Variants in LRRTM4 observed in about 807,000 individuals in gnomAD.
LRRTM4 encodes the protein leucine-rich repeat transmembrane neuronal protein 4.
In LRRTM4, 25 loss-of-function variants were observed where a neutral mutation model predicts 47.6. The observed-to-expected ratio is 0.53, with a 90% CI of 0.38 to 0.73. The LOEUF is 0.73. LRRTM4 is among the 30% of genes least tolerant of loss of function. The probability of loss-of-function intolerance (pLI) is 0.00; values close to 1 mark genes in which losing one functional copy is unlikely to be tolerated. For synonymous variants in LRRTM4, 311 were observed against 269.5 expected (o/e 1.15, Z -1.51); for missense variants, 638 against 713.4 (o/e 0.89, Z 1.20).
intron 3 of LRRTM4, among the ~76,000 whole-genome samples, chr2:77,050,601 A>G (rs575525407): frequency 6.6e-6 from 1 of 152,294 alleles, no homozygotes; most frequent in South Asian, 2.1e-4. Context: ...AGCATTTTAC[A>G]GAAGTTATTG....
chr2:77,388,710 T>G (rs1386713285), intron 3 of LRRTM4, among the ~76,000 whole-genome samples: 1 of 152,088 alleles, frequency 6.6e-6, no homozygotes, highest in Non-Finnish European at 1.5e-5. Context: ...TTTCTGTAAG[T>G]CTTGACCATC....
intron 3 of LRRTM4, among the ~76,000 whole-genome samples, chr2:77,112,945 C>T (rs1446182303): frequency 6.6e-6 from 1 of 152,152 alleles, no homozygotes; most frequent in Non-Finnish European, 1.5e-5. Flanking sequence ...ATTTCTTGAG[C>T]ATGCTCATCC....
intron 3 of LRRTM4, among the ~76,000 whole-genome samples, chr2:76,836,838 G>T (rs1022397669): frequency 1.3e-5 from 2 of 152,066 alleles, no homozygotes; most frequent in African/African-American, 4.8e-5. Flanking sequence ...TGGGGCTAGG[G>T]CATATGTATG....
chr2:76,807,411 T>TATACATATACACACAC (rs1484732120), intron 3 of LRRTM4, among the ~76,000 whole-genome samples: 2 of 86,046 alleles, frequency 2.3e-5, no homozygotes, highest in Admixed American at 1.3e-4. Flanking sequence ...TATATACGTA[T>TATACATATACACACAC]ATATATATAT....
chr2:77,126,258 A>C (rs1275140820), intron 3 of LRRTM4, among the ~76,000 whole-genome samples: 2 of 152,156 alleles, frequency 1.3e-5, no homozygotes, highest in Non-Finnish European at 2.9e-5. Flanking sequence ...CATTATAAAT[A>C]ATATTCTAAG....
At chr2:76,885,281 A>G (rs1673037604) in intron 3 of LRRTM4, among the ~76,000 whole-genome samples, 1 of 151,980 alleles carries the variant, frequency 6.6e-6, no homozygotes, top group African/African-American at 2.4e-5. Context: ...TTTTTAGAGT[A>G]CCTTCTTTTT....
intron 3 of LRRTM4, among the ~76,000 whole-genome samples, chr2:76,945,765 GTGTGTGTGTA>G (rs1675302803): frequency 6.6e-6 from 1 of 151,760 alleles, no homozygotes; most frequent in South Asian, 2.1e-4. Flanking sequence ...GTGTGTGTGT[GTGTGTGTGTA>G]TGTGTATGTA....
At chr2:76,964,496 T>C (rs1325154421) in intron 3 of LRRTM4, among the ~76,000 whole-genome samples, 1 of 150,942 alleles carries the variant, frequency 6.6e-6, no homozygotes, top group East Asian at 2.0e-4. Context: ...TACCAATTGT[T>C]TTTTTCCTGT....
intron 3 of LRRTM4, among the ~76,000 whole-genome samples, chr2:77,463,675 T>C (rs901234597): frequency 6.6e-6 from 1 of 152,106 alleles, no homozygotes; most frequent in African/African-American, 2.4e-5. Context: ...TTCACAGACC[T>C]TGTTACATTC....
chr2:77,278,255 A>C (rs1288007115), intron 3 of LRRTM4, among the ~76,000 whole-genome samples: 7 of 151,994 alleles, frequency 4.6e-5, no homozygotes, highest in Non-Finnish European at 8.8e-5. Context: ...TATTTTTAAC[A>C]GTTCTTATAA....
At position 76,906,145 on chromosome 2, in the gene LRRTM4, C is replaced by T. The variant is rs533550406; in HGVS notation, c.1552-157229G>A. On this transcript the variant is annotated intron_variant, in intron 3 of 3. Transcript: ENST00000409884. ...GAAGCCCATCAGACTAACAGCTGATCTCTCAGCAGAAACTCTACAAGTCAG... is the reference window on the plus strand; with the variant it reads ...GAAGCCCATCAGACTAACAGCTGATTTCTCAGCAGAAACTCTACAAGTCAG... Among the ~76,000 whole-genome samples, 75 of 152,350 alleles carry T rather than the reference C, an allele frequency of 4.9e-4. No individual in the cohort carries two copies. The South Asian group carries it at 0.016, about 32-fold the overall frequency.
chr2:76,922,258 T>G (rs545302917), intron 3 of LRRTM4, among the ~76,000 whole-genome samples: 1 of 152,210 alleles, frequency 6.6e-6, no homozygotes, highest in South Asian at 2.1e-4. Context: ...TATAACTGAC[T>G]CACAGTTCTT....
At chr2:76,968,221 T>C (rs922319142) in intron 3 of LRRTM4, among the ~76,000 whole-genome samples, 5 of 150,104 alleles carry the variant, frequency 3.3e-5, no homozygotes, top group Non-Finnish European at 4.5e-5. Flanking sequence ...GATAATCAAA[T>C]TAGTGTAAAT....
At chr2:77,459,567 G>T (rs1407295888) in intron 3 of LRRTM4, among the ~76,000 whole-genome samples, 1 of 151,582 alleles carries the variant, frequency 6.6e-6, no homozygotes, top group Non-Finnish European at 1.5e-5. Flanking sequence ...ATAAAATATT[G>T]GTCCCTTACA....
chr2:77,382,673 T>C (rs1042169274), intron 3 of LRRTM4, among the ~76,000 whole-genome samples: 3 of 152,084 alleles, frequency 2.0e-5, no homozygotes, highest in African/African-American at 7.2e-5. Flanking sequence ...TAAAATGACC[T>C]TTTACCTAAA....
intron 3 of LRRTM4, among the ~76,000 whole-genome samples, chr2:77,191,456 A>G (rs187426079): frequency 7.9e-4 from 120 of 152,090 alleles, no homozygotes; most frequent in African/African-American, 2.5e-3. Context: ...AAATATATAT[A>G]AGGTAGAAGG....
chr2:77,083,806 T>TG (rs1680614223), intron 3 of LRRTM4, among the ~76,000 whole-genome samples: 8 of 111,970 alleles, frequency 7.1e-5, no homozygotes, highest in African/African-American at 2.7e-4. Context: ...TTTTTTTTTT[T>TG]TTTTTTTTTT....
intron 3 of LRRTM4, among the ~76,000 whole-genome samples, chr2:76,840,221 AT>A (rs1375307235): frequency 6.6e-6 from 1 of 152,132 alleles, no homozygotes; most frequent in Non-Finnish European, 1.5e-5. Context: ...ACTTGGATTT[AT>A]TTTTTTCCCC....
At chr2:76,822,806 A>G (rs1477345432) in intron 3 of LRRTM4, among the ~76,000 whole-genome samples, 1 of 151,432 alleles carries the variant, frequency 6.6e-6, no homozygotes, top group East Asian at 1.9e-4. Flanking sequence ...TTTATTATTT[A>G]TTTATTTATT....
Sources: gnomAD v4.1 joint callset for allele counts (sites outside exome capture counted in the v4.1 genomes callset) on GRCh38, gnomAD v4.1.1 for gene constraint, MANE v1.5 for transcripts, NCBI Gene and HGNC (gene_info 2026-07-23, HGNC 2026-07-21) for gene names.